CACNA2D2: variants seen among roughly 807,000 people sequenced by gnomAD.
CACNA2D2 encodes the protein voltage-dependent calcium channel subunit alpha-2/delta-2.
CACNA2D2 carries 48 observed loss-of-function variants against 166.4 expected under a neutral mutation model. The observed-to-expected ratio is 0.29, with a 90% CI of 0.23 to 0.37. CACNA2D2 has a LOEUF of 0.37. Ranked by LOEUF, CACNA2D2 falls within the 10% of genes least tolerant of loss-of-function variation. CACNA2D2 has a pLI of 1.00. For synonymous variants in CACNA2D2, 561 were observed against 573.7 expected (o/e 0.98, Z 0.32); for missense variants, 1,122 against 1,433.0 (o/e 0.78, Z 3.50).
intron 2 of CACNA2D2, among the ~76,000 whole-genome samples, chr3:50,462,612 G>C (rs1246531493): frequency 6.6e-6 from 1 of 151,854 alleles, no homozygotes; most frequent in Non-Finnish European, 1.5e-5. Context: ...GGATGGGCTG[G>C]GGGAGGGGTG....
intron 3 of CACNA2D2, among the ~76,000 whole-genome samples, chr3:50,403,407 C>T (rs944203542): frequency 3.3e-5 from 5 of 152,180 alleles, no homozygotes; most frequent in Admixed American, 1.3e-4. Context: ...TTTATGCCAA[C>T]GGGCTGCCCT....
At position 50,375,567 on chromosome 3, in the gene CACNA2D2, G is replaced by A; in HGVS notation, c.1907+77C>T. 3 of 1,494,166 alleles carry A rather than the reference G, an allele frequency of 2.0e-6. No individual in the cohort carries two copies. The highest frequency in any genetic ancestry group is 2.8e-6 in the Non-Finnish European group (3 of 1,079,700). The allele number at this position is 1,494,166 out of a possible 1,614,324, so 92.6% of individuals were successfully genotyped here. On this transcript the variant is annotated intron_variant, in intron 21 of 37. Transcript: ENST00000424201. The surrounding 1 kb of genome is among the most constrained non-coding windows in gnomAD (Gnocchi z 4.0). ...CCCACTGGGATGGTGGTCACAGTGGGAGAGGGAGGGGACAGCTGGGCTCAG... is the reference window on the plus strand; with the variant it reads ...CCCACTGGGATGGTGGTCACAGTGGAAGAGGGAGGGGACAGCTGGGCTCAG...
intron 2 of CACNA2D2, among the ~76,000 whole-genome samples, chr3:50,446,586 G>A (rs1344302484): frequency 6.6e-6 from 1 of 152,212 alleles, no homozygotes; most frequent in Non-Finnish European, 1.5e-5. Context: ...TGGGCCACCT[G>A]CACCAGGGCT....
intron 2 of CACNA2D2, among the ~76,000 whole-genome samples, chr3:50,444,139 G>C (rs1284496789): frequency 6.6e-6 from 1 of 152,146 alleles, no homozygotes. Context: ...TCAGGGGCTG[G>C]GCAGGTCCCC....
intron 1 of CACNA2D2, among the ~76,000 whole-genome samples, chr3:50,490,183 G>A (rs1698466918): frequency 6.6e-6 from 1 of 152,218 alleles, no homozygotes; most frequent in South Asian, 2.1e-4. Flanking sequence ...ATCTCCCTGG[G>A]ACAAGCTGCA....
chr3:50,415,129 T>G (rs2106816087), intron 3 of CACNA2D2, among the ~76,000 whole-genome samples: 1 of 152,256 alleles, frequency 6.6e-6, no homozygotes, highest in Non-Finnish European at 1.5e-5. Context: ...TGACATTCTG[T>G]GGTGGGACAC....
intron 23 of CACNA2D2, among the ~76,000 whole-genome samples, chr3:50,370,118 C>T (rs866060253): frequency 6.6e-6 from 1 of 152,104 alleles, no homozygotes; most frequent in Non-Finnish European, 1.5e-5. Flanking sequence ...GAGCTAGGGC[C>T]GTGAGGCAGC....
intron 2 of CACNA2D2, among the ~76,000 whole-genome samples, chr3:50,443,722 T>TG (rs1708713896): frequency 1.3e-5 from 2 of 152,240 alleles, no homozygotes; most frequent in African/African-American, 4.8e-5. Flanking sequence ...CCTTGCCATC[T>TG]GGCCTCTTCA....
intron 2 of CACNA2D2, among the ~76,000 whole-genome samples, chr3:50,462,979 T>C (rs893217930): frequency 3.9e-5 from 6 of 152,056 alleles, no homozygotes; most frequent in African/African-American, 1.4e-4. Flanking sequence ...GACAGGGGAC[T>C]GACTGCTTTG....
chr3:50,448,944 C>A (rs1023934359), intron 2 of CACNA2D2, among the ~76,000 whole-genome samples: 1 of 152,182 alleles, frequency 6.6e-6, no homozygotes, highest in Non-Finnish European at 1.5e-5. Context: ...AGAGCCGCAG[C>A]GAAGCCCTCA....
chr3:50,423,572 C>G (rs763875555), intron 3 of CACNA2D2, among the ~76,000 whole-genome samples: 6 of 152,244 alleles, frequency 3.9e-5, no homozygotes, highest in Non-Finnish European at 7.3e-5. Flanking sequence ...GTCCACCAAC[C>G]CTGTCCAGGG....
At chr3:50,463,327 G>A (rs1709676307) in intron 2 of CACNA2D2, among the ~76,000 whole-genome samples, 1 of 151,040 alleles carries the variant, frequency 6.6e-6, no homozygotes, top group South Asian at 2.1e-4. Context: ...TTTGAAACAA[G>A]GTCTCATTCT....
chr3:50,503,158 CG>C, intron 1 of CACNA2D2, 59 bp downstream of exon 1: 18 of 1,029,284 alleles, frequency 1.7e-5, no homozygotes, highest in Non-Finnish European at 1.9e-5. Flanking sequence ...TAGCGCGGAC[CG>C]GGGGCAGAGC....
At chr3:50,459,836 C>A (rs1411347376) in intron 2 of CACNA2D2, among the ~76,000 whole-genome samples, 2 of 152,206 alleles carry the variant, frequency 1.3e-5, no homozygotes, top group African/African-American at 4.8e-5. Flanking sequence ...CAGCAGACAT[C>A]TGAGGAAGGA....
intron 5 of CACNA2D2, among the ~76,000 whole-genome samples, chr3:50,384,844 C>T (rs985975454): frequency 2.6e-5 from 4 of 152,232 alleles, no homozygotes. Context: ...CTAGCCCCAT[C>T]TAAGGCAGGG....
At chr3:50,400,057 T>C (rs538399147) in intron 3 of CACNA2D2, among the ~76,000 whole-genome samples, 3 of 152,352 alleles carry the variant, frequency 2.0e-5, no homozygotes, top group Admixed American at 2.0e-4. Context: ...TAGCTGTGTA[T>C]TGTGCACAGA....
At chr3:50,434,515 C>A in intron 2 of CACNA2D2, 86 bp from the exon 3 acceptor site, 1 of 956,570 alleles carries the variant, frequency 1.0e-6, no homozygotes, top group Admixed American at 1.7e-5. Flanking sequence ...GCACAGCTCA[C>A]CTCAGCACAG....
intron 2 of CACNA2D2, among the ~76,000 whole-genome samples, chr3:50,471,765 G>C (rs1186021645): frequency 6.6e-6 from 1 of 152,188 alleles, no homozygotes; most frequent in Non-Finnish European, 1.5e-5. Flanking sequence ...GCCAGACTTT[G>C]GTCAGTGCCG....
intron 2 of CACNA2D2, among the ~76,000 whole-genome samples, chr3:50,449,482 G>A (rs533639231): frequency 3.3e-5 from 5 of 152,286 alleles, no homozygotes; most frequent in East Asian, 1.9e-4. Context: ...CCATGGCTGC[G>A]CAGCCCTGCT....
Sources: gnomAD v4.1 joint callset for allele counts (sites outside exome capture counted in the v4.1 genomes callset) on GRCh38, gnomAD v4.1.1 for gene constraint, Gnocchi (gnomAD v3.1) non-coding constraint, MANE v1.5 for transcripts, NCBI Gene and HGNC (gene_info 2026-07-23, HGNC 2026-07-21) for gene names.